Variants in CCDC63 observed in about 807,000 individuals in gnomAD.
The protein encoded by CCDC63 is coiled-coil domain containing 63.
CCDC63 carries 54 observed loss-of-function variants against 63.6 expected under a neutral mutation model. That is an observed-to-expected ratio of 0.85 (90% CI 0.68 to 1.07). The LOEUF (loss-of-function observed/expected upper bound fraction) is 1.07, where lower values mean the gene tolerates loss of function less well. Among genes scored for constraint, CCDC63 ranks in the 50% least tolerant of loss-of-function variants. CCDC63 has a pLI of 0.00. For synonymous variants in CCDC63, 253 were observed against 266.1 expected, an observed-to-expected ratio of 0.95 and a Z score of 0.48; for missense variants, 637 against 689.6, an observed-to-expected ratio of 0.92 and a Z score of 0.86.
chr12:110,888,585 CCA>C (rs936902626), intron 8 of CCDC63, among the ~76,000 whole-genome samples: 33 of 152,136 alleles, frequency 2.2e-4, no homozygotes, highest in Admixed American at 7.9e-4. Context: ...TTGAATAAGT[CCA>C]GAGAGCACTG....
chr12:110,867,220 G>A (rs1176921561), intron 4 of CCDC63, among the ~76,000 whole-genome samples: 7 of 125,844 alleles, frequency 5.6e-5, no homozygotes, highest in Admixed American at 1.6e-4. Context: ...GGCCGGGCGG[G>A]GGGCCGACCC....
rs557499916 is a variant in CCDC63 at position 110,889,613 on chromosome 12, A to G, written c.1075-3463A>G. Reference sequence around the variant, plus strand: ...GAGACATGGGAGGGAGAGGGGATGAATCTGGGAGGTGAGGGCTGCTGGGCA... The same window carrying G: ...GAGACATGGGAGGGAGAGGGGATGAGTCTGGGAGGTGAGGGCTGCTGGGCA... On this transcript the variant is annotated intron_variant, in intron 8 of 11. Coordinates refer to ENST00000308208, the MANE Select transcript of CCDC63 (RefSeq NM_152591.3). This position sits in a 1 kb window ranked among gnomAD's most constrained non-coding sequence, Gnocchi z 4.1. Among the ~76,000 whole-genome samples the G allele has an allele frequency of 6.6e-6, 1 of 152,128 alleles. No individual in the cohort carries two copies. Among genetic ancestry groups the G allele is most frequent in the East Asian group, 1.9e-4 (1 of 5,186 alleles).
intron 8 of CCDC63, among the ~76,000 whole-genome samples, 165 bp from the exon 9 acceptor site, chr12:110,892,911 A>G (rs775213106): frequency 7.9e-5 from 12 of 152,140 alleles, no homozygotes; most frequent in African/African-American, 1.2e-4. Context: ...ATCAGAAGAA[A>G]AAAAAATAAT....
intron 4 of CCDC63, among the ~76,000 whole-genome samples, chr12:110,868,601 A>T (rs934513959): frequency 1.3e-5 from 2 of 151,648 alleles, no homozygotes; most frequent in African/African-American, 4.8e-5. Flanking sequence ...CGTGCCTGCA[A>T]TCGCAGGCAT....
intron 4 of CCDC63, among the ~76,000 whole-genome samples, chr12:110,866,985 C>A (rs1593654629): frequency 1.5e-5 from 2 of 137,240 alleles, no homozygotes; most frequent in East Asian, 2.3e-4. Flanking sequence ...GGGCGGCTGG[C>A]CGGGCGGGGG....
intron 8 of CCDC63, among the ~76,000 whole-genome samples, chr12:110,891,860 A>G (rs2071361386): frequency 6.6e-6 from 1 of 152,136 alleles, no homozygotes; most frequent in Non-Finnish European, 1.5e-5. Flanking sequence ...CAAGAATACA[A>G]CAGACAGCCC....
chr12:110,886,785 G>A (rs1228259688), intron 8 of CCDC63, among the ~76,000 whole-genome samples: 2 of 152,160 alleles, frequency 1.3e-5, no homozygotes, highest in African/African-American at 4.8e-5. Context: ...GTGCACCCGG[G>A]GGTGGGGAAG....
At chr12:110,857,283 C>T (rs113111114) in intron 3 of CCDC63, among the ~76,000 whole-genome samples, 1 of 151,870 alleles carries the variant, frequency 6.6e-6, no homozygotes, top group Non-Finnish European at 1.5e-5. Context: ...CCACCACCCC[C>T]CCCGGCTAAT....
intron 3 of CCDC63, among the ~76,000 whole-genome samples, chr12:110,857,993 C>G (rs923496534): frequency 6.6e-6 from 1 of 152,050 alleles, no homozygotes; most frequent in African/African-American, 2.4e-5. Context: ...GTAGTCCCAG[C>G]TACTCAGGAG....
chr12:110,906,850 TAC>T (rs1212306393), intron 11 of CCDC63, among the ~76,000 whole-genome samples: 1 of 152,178 alleles, frequency 6.6e-6, no homozygotes, highest in Non-Finnish European at 1.5e-5. Flanking sequence ...GTCAGAAATG[TAC>T]AGATACTGTC....
chr12:110,862,210 C>T (rs1035447946), intron 4 of CCDC63, among the ~76,000 whole-genome samples: 2 of 152,196 alleles, frequency 1.3e-5, no homozygotes, highest in Non-Finnish European at 2.9e-5. Flanking sequence ...TAGGAAGAGG[C>T]AACACAGCGT....
At chr12:110,865,464 C>CAAAAAAAAAAAAAAA (rs10585238) in intron 4 of CCDC63, among the ~76,000 whole-genome samples, 37 of 102,278 alleles carry the variant, frequency 3.6e-4, no homozygotes, top group Middle Eastern at 5.7e-3. Flanking sequence ...CAGCATATAC[C>CAAAAAAAAAAAAAAA]AAAAAAAAAA....
At chr12:110,893,202 T>C (rs751259018) in intron 9 of CCDC63, 52 bp downstream of exon 9, 4 of 1,455,780 alleles carry the variant, frequency 2.7e-6, no homozygotes, top group East Asian at 2.3e-5. Flanking sequence ...TGTCTGTCTC[T>C]GTGTCTGACG....
At chr12:110,850,504 G>A (rs1238976309) in intron 1 of CCDC63, among the ~76,000 whole-genome samples, 2 of 152,218 alleles carry the variant, frequency 1.3e-5, no homozygotes, top group African/African-American at 4.8e-5. Flanking sequence ...CACTTTGGGA[G>A]GCCGAGGTGG....
At chr12:110,859,534 G>C (rs935284925) in intron 4 of CCDC63, among the ~76,000 whole-genome samples, 3 of 152,058 alleles carry the variant, frequency 2.0e-5, no homozygotes, top group African/African-American at 7.2e-5. Context: ...TCAAACTCCT[G>C]ATGTCAAATG....
At chr12:110,890,922 C>T (rs557164458) in intron 8 of CCDC63, among the ~76,000 whole-genome samples, 107 of 151,952 alleles carry the variant, frequency 7.0e-4, no homozygotes, top group African/African-American at 2.5e-3. Flanking sequence ...GGACTACAGG[C>T]ATGTACCACT....
chr12:110,892,927 C>T, intron 8 of CCDC63, 149 bp from the exon 9 acceptor site: 1 of 598,540 alleles, frequency 1.7e-6, no homozygotes, highest in Non-Finnish European at 2.9e-6. Context: ...ATAATAACCC[C>T]ACGGGCCTAA....
chr12:110,853,822 C>T (rs1004823908), intron 3 of CCDC63, among the ~76,000 whole-genome samples: 3 of 152,158 alleles, frequency 2.0e-5, no homozygotes, highest in African/African-American at 4.8e-5. Context: ...GGGCAGGGCA[C>T]CCAGATCTCA....
intron 10 of CCDC63, among the ~76,000 whole-genome samples, chr12:110,904,098 G>T (rs1484863607): frequency 6.6e-6 from 1 of 152,184 alleles, no homozygotes; most frequent in African/African-American, 2.4e-5. Flanking sequence ...GCTCACGCCT[G>T]TAATTCCAGC....
Sources: allele counts gnomAD v4.1 joint callset (sites outside exome capture counted in the v4.1 genomes callset), GRCh38; gene constraint gnomAD v4.1.1; non-coding constraint Gnocchi (gnomAD v3.1); transcripts MANE v1.5; gene names NCBI Gene and HGNC (gene_info 2026-07-23, HGNC 2026-07-21).